DLGAP2: variants seen among roughly 807,000 people sequenced by gnomAD.
DLGAP2 encodes the protein disks large-associated protein 2.
In DLGAP2, 26 loss-of-function variants were observed where a neutral mutation model predicts 100.3. The ratio of observed to expected loss-of-function variants is 0.26; its 90% CI spans 0.19 to 0.36. The LOEUF is 0.36. Ranked by LOEUF, DLGAP2 falls within the 10% of genes least tolerant of loss-of-function variation. The pLI, the probability that DLGAP2 is intolerant of heterozygous loss-of-function variation, is 1.00. For missense variants in DLGAP2, 1,858 were observed against 1,453.2 expected (o/e 1.28, Z -4.53); for synonymous variants, 886 against 630.1 (o/e 1.41, Z -6.08).
intron 5 of DLGAP2, among the ~76,000 whole-genome samples, chr8:1,561,609 A>T (rs1276922995): frequency 6.6e-6 from 1 of 152,092 alleles, no homozygotes; most frequent in African/African-American, 2.4e-5. Flanking sequence ...TGCCTGGGCC[A>T]CCTTGGGGGT....
intron 2 of DLGAP2, among the ~76,000 whole-genome samples, chr8:1,237,097 C>T (rs1463389549): frequency 6.5e-5 from 7 of 108,432 alleles, no homozygotes; most frequent in South Asian, 3.2e-4. Context: ...CTAGTTCTCT[C>T]ACATGGCACC....
intron 3 of DLGAP2, among the ~76,000 whole-genome samples, chr8:1,440,838 C>T (rs1056696058): frequency 1.2e-4 from 19 of 152,196 alleles, no homozygotes; most frequent in Non-Finnish European, 1.3e-4. Context: ...CCAGCAACCA[C>T]GGAACTCTCT....
At chr8:1,264,748 G>T (rs1799418465) in intron 3 of DLGAP2, among the ~76,000 whole-genome samples, 1 of 152,158 alleles carries the variant, frequency 6.6e-6, no homozygotes, top group South Asian at 2.1e-4. Context: ...AAACTTTAAG[G>T]AAGTGATATG....
At chr8:1,596,559 G>A (rs1004255839) in intron 6 of DLGAP2, among the ~76,000 whole-genome samples, 6 of 151,996 alleles carry the variant, frequency 3.9e-5, no homozygotes, top group Admixed American at 6.6e-5. Flanking sequence ...TTTAATGATC[G>A]TCATTCTAAC....
At chr8:911,991 G>A (rs1386225939) in intron 2 of DLGAP2, among the ~76,000 whole-genome samples, 2 of 152,228 alleles carry the variant, frequency 1.3e-5, no homozygotes, top group Non-Finnish European at 1.5e-5. Flanking sequence ...TTACACAGTT[G>A]TAAGCATAAT....
intron 1 of DLGAP2, among the ~76,000 whole-genome samples, chr8:876,312 G>C (rs1374294160): frequency 6.6e-6 from 1 of 152,144 alleles, no homozygotes; most frequent in Admixed American, 6.5e-5. Flanking sequence ...TTGTAAGGTT[G>C]ATCTGCTAGC....
intron 1 of DLGAP2, among the ~76,000 whole-genome samples, chr8:848,971 A>G (rs1585928464): frequency 6.8e-6 from 1 of 146,624 alleles, no homozygotes; most frequent in African/African-American, 2.6e-5. Context: ...CCAGCATAGG[A>G]TCGTGAGGTG....
chr8:1,120,330 G>A (rs369904661), intron 2 of DLGAP2, among the ~76,000 whole-genome samples: 15 of 152,220 alleles, frequency 9.9e-5, no homozygotes, highest in South Asian at 4.2e-4. Flanking sequence ...GCCAACATGC[G>A]TCCGAATGAG....
intron 2 of DLGAP2, among the ~76,000 whole-genome samples, chr8:1,069,110 G>A (rs1205796105): frequency 1.3e-5 from 2 of 152,210 alleles, no homozygotes; most frequent in South Asian, 2.1e-4. Context: ...CAGCTGACGC[G>A]GCAGCAGCAT....
At chr8:1,340,447 C>T (rs895286547) in intron 3 of DLGAP2, among the ~76,000 whole-genome samples, 6 of 152,182 alleles carry the variant, frequency 3.9e-5, no homozygotes, top group African/African-American at 1.2e-4. Flanking sequence ...CAAAAGAAGA[C>T]ATATGTGCAG....
chr8:1,671,324 C>T (rs1003041626), intron 10 of DLGAP2, among the ~76,000 whole-genome samples: 4 of 152,246 alleles, frequency 2.6e-5, no homozygotes, highest in Admixed American at 6.5e-5. Flanking sequence ...CTGGCTAGCC[C>T]GTGTTCCACC....
chr8:1,584,367 G>T (rs1796046815), intron 6 of DLGAP2, among the ~76,000 whole-genome samples: 1 of 152,216 alleles, frequency 6.6e-6, no homozygotes, highest in Non-Finnish European at 1.5e-5. Context: ...GTCAAAACGG[G>T]AGCAGACGCC....
chr8:1,359,623 C>A lies in DLGAP2; in HGVS notation c.106+100740C>A, dbSNP rs367990465. ...TCCCTGGTGCAGAGGCTGATGCTGT[C>A]GGCGGCTGTCCCTGTGGGTGATGCG... On this transcript the variant is annotated intron_variant, in intron 3 of 14. Transcript: ENST00000637795. Among the ~76,000 whole-genome samples the A allele has an allele frequency of 7.2e-5, 11 of 152,350 alleles. No homozygotes were observed. In the East Asian group the frequency reaches 2.1e-3, roughly 30 times the overall value.
At chr8:898,666 C>T (rs1798192878) in intron 1 of DLGAP2, among the ~76,000 whole-genome samples, 1 of 152,096 alleles carries the variant, frequency 6.6e-6, no homozygotes, top group African/African-American at 2.4e-5. Flanking sequence ...ACTCAGATGC[C>T]TCTGTGGGGA....
At chr8:1,195,370 G>T (rs923107080) in intron 2 of DLGAP2, among the ~76,000 whole-genome samples, 1 of 152,232 alleles carries the variant, frequency 6.6e-6, no homozygotes. Context: ...CGCAGCCACC[G>T]ACAGGTCAGA....
At chr8:1,596,493 T>G (rs1386430011) in intron 6 of DLGAP2, among the ~76,000 whole-genome samples, 4 of 152,242 alleles carry the variant, frequency 2.6e-5, no homozygotes, top group Non-Finnish European at 5.9e-5. Flanking sequence ...CCACCAACAG[T>G]GTAAAAGCGT....
chr8:1,699,254 G>A lies in DLGAP2; in HGVS notation c.2950-1934G>A, dbSNP rs985280064. 2.0e-5 allele frequency among the ~76,000 whole-genome samples: 3 copies of A among 152,144 alleles called. No homozygotes were observed. The East Asian group carries it at 5.8e-4, about 29-fold the overall frequency. On this transcript the variant is annotated intron_variant, in intron 14 of 14. Transcript: ENST00000637795. ...TGGGAGGCCAAGGTGGGTGGATCAC[G>A]AGGTCAGGATATCAAGACCATCCTG...
chr8:924,878 G>A (rs370960389), intron 2 of DLGAP2, among the ~76,000 whole-genome samples: 4 of 152,258 alleles, frequency 2.6e-5, no homozygotes, highest in East Asian at 1.9e-4. Context: ...GAGCCACCGC[G>A]CCTGGCCAAT....
At chr8:937,930 C>G (rs560062951) in intron 2 of DLGAP2, among the ~76,000 whole-genome samples, 2 of 152,120 alleles carry the variant, frequency 1.3e-5, no homozygotes, top group Non-Finnish European at 1.5e-5. Flanking sequence ...AGGTGTCCAT[C>G]CCGGCCTTTC....
Sources: allele counts gnomAD v4.1 joint callset (sites outside exome capture counted in the v4.1 genomes callset), GRCh38; gene constraint gnomAD v4.1.1; transcripts MANE v1.5; gene names NCBI Gene and HGNC (gene_info 2026-07-23, HGNC 2026-07-21).